Variants in LONRF1 observed in about 807,000 individuals in gnomAD.
LONRF1 encodes the protein LON peptidase N-terminal domain and ring finger 1, also known as LON peptidase N-terminal domain and RING finger protein 1.
LONRF1 carries 37 observed loss-of-function variants against 85.8 expected under a neutral mutation model. That is an observed-to-expected ratio of 0.43 (90% CI 0.33 to 0.57). The LOEUF is 0.57. Ranked by LOEUF, LONRF1 falls within the 20% of genes least tolerant of loss-of-function variation. The pLI, the probability that LONRF1 is intolerant of heterozygous loss-of-function variation, is 0.04. For missense variants in LONRF1, 1,036 were observed against 978.0 expected, an observed-to-expected ratio of 1.06 and a Z score of -0.79; for synonymous variants, 517 against 390.1, an observed-to-expected ratio of 1.33 and a Z score of -3.83.
rs895790767 is a variant in LONRF1 at position 12,742,871 on chromosome 8, A to G, written c.840+293T>C. The stretch of plus-strand genomic sequence containing the variant: ...CTCTCGAGTAGTTGGGACTACAGGC[A>G]CAAACAACCATGCCAGGCTCATTTT... On this transcript the variant is annotated intron_variant, in intron 2 of 11. Coordinates refer to ENST00000398246, the MANE Select transcript of LONRF1 (RefSeq NM_152271.5). Among the ~76,000 whole-genome samples, 13 of 151,594 alleles carry G rather than the reference A, an allele frequency of 8.6e-5. 1 individual carries two copies. The highest frequency in any genetic ancestry group is 3.1e-4 in the African/African-American group (13 of 41,362).
intron 1 of LONRF1, chr8:12,754,465 C>G (rs1799546597): frequency 2.5e-5 from 10 of 394,168 alleles, no homozygotes; most frequent in Admixed American, 1.4e-4. Flanking sequence ...CGCCGAGCGC[C>G]CCTCCCCGCG....
At chr8:12,735,487 C>G (rs1214616001) in intron 6 of LONRF1, 87 bp from the exon 7 acceptor site, 1 of 845,306 alleles carries the variant, frequency 1.2e-6, no homozygotes, top group South Asian at 1.5e-5. Context: ...ACACTAATCT[C>G]TATTTAAAGG....
intron 3 of LONRF1, among the ~76,000 whole-genome samples, chr8:12,740,135 A>G (rs2117291598): frequency 6.6e-6 from 1 of 152,328 alleles, no homozygotes. Flanking sequence ...AGAAACACTG[A>G]TAAATAACGT....
intron 1 of LONRF1, among the ~76,000 whole-genome samples, chr8:12,745,968 T>C (rs1047952178): frequency 6.6e-6 from 1 of 152,198 alleles, no homozygotes; most frequent in Admixed American, 6.5e-5. Context: ...ATTCATCAAA[T>C]TTCCAACTGC....
intron 1 of LONRF1, among the ~76,000 whole-genome samples, chr8:12,745,687 C>T (rs1183455196): frequency 1.3e-5 from 2 of 152,166 alleles, no homozygotes; most frequent in East Asian, 3.9e-4. Flanking sequence ...CAGCAAGTGC[C>T]TGGCATATTA....
At chr8:12,738,617 C>T (rs1374952743) in intron 3 of LONRF1, 1 of 152,308 alleles carries the variant, frequency 6.6e-6, no homozygotes, top group East Asian at 1.9e-4. Flanking sequence ...AATTTAATTT[C>T]TCACTGAATA....
chr8:12,724,045 G>A (rs918524857), intron 11 of LONRF1, among the ~76,000 whole-genome samples: 7 of 152,158 alleles, frequency 4.6e-5, no homozygotes, highest in African/African-American at 7.2e-5. Flanking sequence ...AAGGAGCTAC[G>A]ACATCAGTGC....
rs756563031 is a variant in LONRF1 at position 12,723,108 on chromosome 8, G to T, written c.2310C>A (p.Asp770Glu). 6.2e-7 allele frequency: 1 copy of T among 1,611,298 alleles called. No individual in the cohort carries two copies. The highest frequency in any genetic ancestry group is 1.7e-5 in the Admixed American group (1 of 59,456). The change falls in exon 12 of 12, where the codon GAC becomes GAA. Residue 770 changes from aspartate to glutamate, a missense_variant. Coordinates refer to ENST00000398246, the MANE Select transcript of LONRF1 (RefSeq NM_152271.5). Reference sequence around the variant, plus strand: ...TCCAAAGAGTTAGTTACTTAGATTGGTCTCTAGAAAAATAGGTCAGTATAT... The same window carrying T: ...TCCAAAGAGTTAGTTACTTAGATTGTTCTCTAGAAAAATAGGTCAGTATAT... The part of the protein sequence containing the change: ...IQHILTYFSR[D>E]QSK
At chr8:12,726,929 A>T (rs1291825411) in intron 10 of LONRF1, among the ~76,000 whole-genome samples, 1 of 152,136 alleles carries the variant, frequency 6.6e-6, no homozygotes, top group East Asian at 1.9e-4. Flanking sequence ...ACTTAATGCC[A>T]CTGTGTGCAC....
intron 10 of LONRF1, chr8:12,727,401 A>G (rs1370590263): frequency 6.6e-6 from 1 of 151,668 alleles, no homozygotes; most frequent in Non-Finnish European, 1.5e-5. Flanking sequence ...TATTATAAGA[A>G]GAGGAAAATT....
At chr8:12,747,974 T>C (rs922308357) in intron 1 of LONRF1, among the ~76,000 whole-genome samples, 2 of 152,200 alleles carry the variant, frequency 1.3e-5, no homozygotes, top group African/African-American at 2.4e-5. Flanking sequence ...ATACTATATA[T>C]GCTGTTTATA....
chr8:12,731,336 C>G (rs937629673), intron 8 of LONRF1, among the ~76,000 whole-genome samples: 1 of 152,166 alleles, frequency 6.6e-6, no homozygotes, highest in Non-Finnish European at 1.5e-5. Flanking sequence ...CCCTTCCGGG[C>G]CTCCATGTGA....
At chr8:12,739,458 G>C (rs1798846363) in intron 3 of LONRF1, among the ~76,000 whole-genome samples, 1 of 151,844 alleles carries the variant, frequency 6.6e-6, no homozygotes. Context: ...CTGAACAGTA[G>C]TTGCCTCTAG....
chr8:12,755,343 C>T lies in LONRF1; in HGVS notation c.78G>A (p.Arg26=). 1.6e-6 allele frequency: 2 copies of T among 1,239,552 alleles called. No individual in the cohort carries two copies. Among genetic ancestry groups the T allele is most frequent in the Non-Finnish European group, 2.0e-6 (2 of 988,222 alleles). 76.8% of individuals were successfully genotyped at this position (1,239,552 alleles called of 1,614,324 possible). A position where few individuals can be genotyped will look rare whatever the true frequency, so the allele number is the denominator to read the frequency against. ...EMAPAPQGRG[R]FWEVGGGSGH... is the part of the protein sequence containing the mutation. ...CGCTGCCGCCGCCCACTTCCCAGAA[C>T]CGGCCTCGGCCCTGCGGCGCTGGGG... The change falls in exon 1 of 12, where the codon CGG becomes CGA. Residue 26 remains arginine (R), a synonymous_variant. Coordinates refer to ENST00000398246, the MANE Select transcript of LONRF1 (RefSeq NM_152271.5).
At chr8:12,753,895 A>T (rs1799514314) in intron 1 of LONRF1, 1 of 150,668 alleles carries the variant, frequency 6.6e-6, no homozygotes, top group African/African-American at 2.4e-5. Flanking sequence ...TGGATCAGGC[A>T]GCCCCTCTCA....
chr8:12,730,651 T>G (rs1452945477), intron 8 of LONRF1, among the ~76,000 whole-genome samples: 1 of 152,244 alleles, frequency 6.6e-6, no homozygotes, highest in Non-Finnish European at 1.5e-5. Flanking sequence ...TGCAGTTTTC[T>G]TAAATCTAGA....
At chr8:12,742,036 CCAAA>C (rs1384125534) in intron 2 of LONRF1, among the ~76,000 whole-genome samples, 4 of 152,150 alleles carry the variant, frequency 2.6e-5, no homozygotes, top group African/African-American at 7.2e-5. Context: ...AACGTTCTAG[CCAAA>C]CAGTTTTTTA....
chr8:12,723,313 G>A, intron 11 of LONRF1, 59 bp from the exon 12 acceptor site: 2 of 1,490,606 alleles, frequency 1.3e-6, no homozygotes, highest in Admixed American at 2.2e-5. Flanking sequence ...AACAACAGTA[G>A]CAAACCACCA....
chr8:12,732,187 A>G (rs1034404243), intron 7 of LONRF1, among the ~76,000 whole-genome samples: 3 of 152,254 alleles, frequency 2.0e-5, no homozygotes, highest in Admixed American at 6.5e-5. Context: ...CTGACAGCTC[A>G]TGGGCACTAA....
Sources: gnomAD v4.1 joint callset for allele counts (sites outside exome capture counted in the v4.1 genomes callset) on GRCh38, gnomAD v4.1.1 for gene constraint, MANE v1.5 for transcripts, NCBI Gene and HGNC (gene_info 2026-07-23, HGNC 2026-07-21) for gene names.